The following KANK4 variants were observed in gnomAD, a reference collection of about 807,000 sequenced individuals.
The protein encoded by KANK4 is KN motif and ankyrin repeat domains 4, also known as KN motif and ankyrin repeat domain-containing protein 4.
A neutral mutation model predicts 80.8 loss-of-function variants in KANK4; 50 were observed. That is an observed-to-expected ratio of 0.62 (90% CI 0.49 to 0.78). The LOEUF (loss-of-function observed/expected upper bound fraction) is 0.78, where lower values mean the gene tolerates loss of function less well. Ranked by LOEUF, KANK4 falls within the 30% of genes least tolerant of loss-of-function variation. KANK4 has a pLI of 0.00. For missense variants in KANK4, 1,196 were observed against 1,240.1 expected, an observed-to-expected ratio of 0.96 and a Z score of 0.53; for synonymous variants, 465 against 506.9, an observed-to-expected ratio of 0.92 and a Z score of 1.11.
chr1:62,238,415 C>T (rs753644289), intron 9 of KANK4, 34 bp from the exon 10 acceptor site: 5 of 1,585,382 alleles, frequency 3.2e-6, no homozygotes, highest in Admixed American at 1.7e-5. Context: ...AAATAAATAT[C>T]ATCCAATCTG....
At chr1:62,303,747 TG>T (rs1459156559) in intron 1 of KANK4, among the ~76,000 whole-genome samples, 9 of 152,128 alleles carry the variant, frequency 5.9e-5, no homozygotes, top group African/African-American at 2.2e-4. Flanking sequence ...ACTGATCACA[TG>T]GTGAAATGAT....
chr1:62,251,886 G>A (rs2666480), intron 8 of KANK4, among the ~76,000 whole-genome samples: 332 of 152,146 alleles, frequency 2.2e-3, no homozygotes, highest in African/African-American at 7.7e-3. Context: ...CAGCTACTTG[G>A]GAGGCTGAGG....
At chr1:62,249,384 A>AT (rs1230257678) in intron 8 of KANK4, among the ~76,000 whole-genome samples, 8,759 of 143,678 alleles carry the variant, frequency 0.061, 622 homozygotes, top group African/African-American at 0.18. Context: ...ATATACATGT[A>AT]TTTTTTTTTT....
rs760690246 is a variant in KANK4 at position 62,273,230 on chromosome 1, G to A, written c.1874C>T (p.Pro625Leu). 1.6e-5 allele frequency: 25 copies of A among 1,516,744 alleles called. No individual in the cohort carries two copies. Among genetic ancestry groups the A allele is most frequent in the African/African-American group, 1.1e-4 (8 of 71,820 alleles). 94.0% of individuals were successfully genotyped at this position (1,516,744 alleles called of 1,614,324 possible). Residue 625 changes from proline (P) to leucine (L), a missense_variant, in exon 3 of 10, where the codon CCG becomes CTG. Pro to Leu is a moderately conservative substitution (Grantham distance 98, BLOSUM62 -3). Transcript: ENST00000371153. Reference protein sequence around the residue: ...SAQAHPPKEPPASSSSPPVEI... With the variant: ...SAQAHPPKEPLASSSSPPVEI... ...CACTGGCGGGGAGGAGGAGGAGGCCGGTGGCTCCTTGGGTGGGTGAGCCTG... is the reference window on the plus strand; with the variant it reads ...CACTGGCGGGGAGGAGGAGGAGGCCAGTGGCTCCTTGGGTGGGTGAGCCTG...
intron 4 of KANK4, among the ~76,000 whole-genome samples, chr1:62,270,291 C>G (rs945407522): frequency 6.6e-6 from 1 of 152,112 alleles, no homozygotes; most frequent in African/African-American, 2.4e-5. Context: ...TGTACATGAA[C>G]TGTGAAAGCA....
intron 1 of KANK4, among the ~76,000 whole-genome samples, chr1:62,286,896 C>T (rs1342321803): frequency 6.6e-6 from 1 of 152,174 alleles, no homozygotes; most frequent in African/African-American, 2.4e-5. Context: ...GCTGCTCTAC[C>T]AATCTGCTGC....
rs889949953 is a variant in KANK4, at chr1:62,268,526, C to T, written c.2013-21G>A. On this transcript the variant is annotated intron_variant, in intron 4 of 9. Transcript: ENST00000371153. ...CATACCTGGGGTAGAAAACAAAGGTCACTCGTCCTGTCTTTCCTGCCCAGT... is the reference window on the plus strand; with the variant it reads ...CATACCTGGGGTAGAAAACAAAGGTTACTCGTCCTGTCTTTCCTGCCCAGT... 5 of 1,602,302 alleles carry T rather than the reference C, an allele frequency of 3.1e-6. 1 individual carries two copies. In the African/African-American group the frequency reaches 5.4e-5, roughly 17 times the overall value.
chr1:62,238,419 C>T, intron 9 of KANK4, 38 bp from the exon 10 acceptor site: 1 of 1,576,082 alleles, frequency 6.3e-7, no homozygotes, highest in Non-Finnish European at 8.7e-7. Flanking sequence ...AAATATCATC[C>T]AATCTGCCTC....
intron 1 of KANK4, among the ~76,000 whole-genome samples, chr1:62,298,978 AGGCTTAGTAACTT>A (rs1644389981): frequency 6.6e-6 from 1 of 151,650 alleles, no homozygotes; most frequent in Non-Finnish European, 1.5e-5. Context: ...AAGCTCAGAG[AGGCTTAGTAACTT>A]GGTCATAGTC....
chr1:62,268,362 C>T lies in KANK4; in HGVS notation c.2156G>A (p.Gly719Asp). Residue 719 changes from glycine to aspartate, a missense_variant, in exon 5 of 10, where the codon GGC becomes GAC. Gly to Asp is a moderately conservative substitution (Grantham distance 94, BLOSUM62 -1). Transcript: ENST00000371153. Reference protein sequence around the residue: ...DAHLTCEAGQGIPEGTCHAAQ... With the variant: ...DAHLTCEAGQDIPEGTCHAAQ... ...AGCATGGCAGGTGCCCTCAGGGATG[C>T]CCTGCCCAGCCTCGCAGGTGAGATG... 1 of 1,614,032 alleles carries T rather than the reference C, an allele frequency of 6.2e-7. No individual in the cohort carries two copies. Among genetic ancestry groups the T allele is most frequent in the South Asian group, 1.1e-5 (1 of 91,044 alleles).
chr1:62,270,061 G>C (rs1672123466), intron 4 of KANK4, among the ~76,000 whole-genome samples: 1 of 152,198 alleles, frequency 6.6e-6, no homozygotes, highest in African/African-American at 2.4e-5. Flanking sequence ...AGGAGAGGAG[G>C]CCTTTAGCAG....
intron 8 of KANK4, among the ~76,000 whole-genome samples, chr1:62,248,042 T>C (rs2149119208): frequency 6.6e-6 from 1 of 152,226 alleles, no homozygotes; most frequent in East Asian, 1.9e-4. Context: ...CTGATAAATG[T>C]CGAATGACGG....
chr1:62,307,228 ATC>A (rs1265061778), intron 1 of KANK4, among the ~76,000 whole-genome samples: 4 of 152,112 alleles, frequency 2.6e-5, no homozygotes, highest in Admixed American at 2.0e-4. Context: ...CACACCTGTA[ATC>A]TCAGCACTTT....
chr1:62,259,540 G>A (rs983599165), intron 7 of KANK4, among the ~76,000 whole-genome samples: 6 of 152,050 alleles, frequency 3.9e-5, no homozygotes, highest in Non-Finnish European at 8.8e-5. Flanking sequence ...GCCTCCCAAA[G>A]TGCCAGGATT....
intron 9 of KANK4, among the ~76,000 whole-genome samples, chr1:62,240,926 G>T (rs569182212): frequency 6.6e-6 from 1 of 152,138 alleles, no homozygotes; most frequent in East Asian, 1.9e-4. Flanking sequence ...ACTCTAAACA[G>T]CTCCAAAAAC....
intron 1 of KANK4, among the ~76,000 whole-genome samples, chr1:62,296,550 G>T (rs1324266964): frequency 6.6e-6 from 1 of 152,038 alleles, no homozygotes; most frequent in East Asian, 1.9e-4. Context: ...GGTTTTTTTG[G>T]TTTTTGTTTT....
Position 62,319,108 on chromosome 1 carries a change from T to C in KANK4, c.-73A>G, listed in dbSNP as rs901791212. The C allele has an allele frequency of 2.0e-5, 3 of 152,132 alleles. No homozygotes were observed. The highest frequency in any genetic ancestry group is 7.2e-5 in the African/African-American group (3 of 41,420). The allele number at this position is 152,132 out of a possible 1,614,324, so 9.4% of individuals were successfully genotyped here. A position where few individuals can be genotyped will look rare whatever the true frequency, so the allele number is the denominator to read the frequency against. ...ACTGGGGTCGCAGAGTCCCTTACCT[T>C]GGCGAGCTGCGGAAGTCCTGCGCGA... is the stretch of plus-strand genomic sequence containing the variant. On this transcript the variant is annotated splice_region_variant and 5_prime_UTR_variant, in exon 1 of 10. Transcript: ENST00000371153.
chr1:62,273,783 C>G lies in KANK4; in HGVS notation c.1321G>C (p.Glu441Gln). 6.2e-7 allele frequency: 1 copy of G among 1,614,128 alleles called. No homozygotes were observed. Among genetic ancestry groups the G allele is most frequent in the Non-Finnish European group, 8.5e-7 (1 of 1,180,026 alleles). ...GIEVNLLGSM[E>Q]SESWGHRGEE... ...CCTCGGTGCCCCCAGCTTTCAGACT[C>G]CATGCTGCCTAGAAGGTTGACTTCA... Residue 441 changes from glutamate (E) to glutamine (Q), a missense_variant, in exon 3 of 10, where the codon GAG (glutamate) becomes CAG (glutamine). By Grantham distance (29) the Glu-to-Gln change is conservative. Around this residue, in one of 3 missense-constraint regions of KANK4, gnomAD observed 1,154 missense variants for 1,179.6 expected, o/e 0.98. Coordinates refer to ENST00000371153, the MANE Select transcript of KANK4 (RefSeq NM_181712.5).
chr1:62,316,927 G>T (rs747528025), intron 1 of KANK4, among the ~76,000 whole-genome samples: 1 of 152,156 alleles, frequency 6.6e-6, no homozygotes, highest in Non-Finnish European at 1.5e-5. Flanking sequence ...CCTCTATCTT[G>T]TCAGGAAGGG....
Sources: gnomAD v4.1 joint callset for allele counts (sites outside exome capture counted in the v4.1 genomes callset) on GRCh38, gnomAD v4.1.1 for gene constraint, gnomAD v4.1.1 regional missense constraint, MANE v1.5 for transcripts, NCBI Gene and HGNC (gene_info 2026-07-23, HGNC 2026-07-21) for gene names.